ANXA2: variants seen among roughly 807,000 people sequenced by gnomAD.
ANXA2 encodes the protein annexin A2, also known as annexin II.
A neutral mutation model predicts 47.3 loss-of-function variants in ANXA2; 28 were observed. That is an observed-to-expected ratio of 0.59 (90% CI 0.44 to 0.81). ANXA2 has a LOEUF of 0.81. Ranked by LOEUF, ANXA2 falls within the 40% of genes least tolerant of loss-of-function variation. The pLI is 0.00. For missense variants in ANXA2, 384 were observed against 414.3 expected (o/e 0.93, Z 0.64); for synonymous variants, 172 against 155.5 (o/e 1.11, Z -0.79).
chr15:60,397,838 G>A (rs1343580890), intron 1 of ANXA2, 105 bp downstream of exon 1: 2 of 1,383,560 alleles, frequency 1.4e-6, no homozygotes, highest in Admixed American at 3.1e-5. Flanking sequence ...GGCCTCCGGG[G>A]CCAGTTGCCG....
rs1427356537 is a variant in ANXA2 at position 60,364,425 on chromosome 15, G to A, written c.243+4C>T. On this transcript the variant is annotated splice_donor_region_variant and intron_variant, in intron 4 of 12. Coordinates refer to ENST00000451270, the MANE Select transcript of ANXA2 (RefSeq NM_004039.3). ...ATGCCCTCCATCCCTGGAATTGCCT[G>A]TACCTTTTTGGTCCTTCTCTGGTAG... is the stretch of plus-strand genomic sequence containing the variant. 6.2e-7 allele frequency: 1 copy of A among 1,608,628 alleles called. No individual in the cohort carries two copies. The highest frequency in any genetic ancestry group is 8.5e-7 in the Non-Finnish European group (1 of 1,177,684).
chr15:60,359,777 A>C (rs1056012027), intron 5 of ANXA2, among the ~76,000 whole-genome samples: 2 of 152,206 alleles, frequency 1.3e-5, no homozygotes, highest in Non-Finnish European at 2.9e-5. Flanking sequence ...GCATCAGAGA[A>C]AACAGACTCG....
chr15:60,380,406 G>C (rs900361689), intron 3 of ANXA2, among the ~76,000 whole-genome samples: 5 of 151,060 alleles, frequency 3.3e-5, no homozygotes, highest in Non-Finnish European at 2.9e-5. Context: ...CCACTGACTG[G>C]AACTGGCTGT....
chr15:60,392,908 C>T (rs1178576631), intron 1 of ANXA2: 2 of 830,470 alleles, frequency 2.4e-6, no homozygotes, highest in Non-Finnish European at 3.1e-6. Context: ...CAGTCCTGGA[C>T]ACACAGTCTA....
chr15:60,389,283 C>T (rs952281452), intron 1 of ANXA2, among the ~76,000 whole-genome samples: 2 of 152,204 alleles, frequency 1.3e-5, no homozygotes, highest in African/African-American at 4.8e-5. Flanking sequence ...AGAGTTGTTT[C>T]CACTTAGAGA....
rs962388067 is a variant in ANXA2 at position 60,397,271 on chromosome 15, A to G, written c.-12+672T>C. The G allele has an allele frequency of 2.1e-5, 21 of 985,408 alleles. No individual in the cohort carries two copies. The Admixed American group carries it at 2.5e-4, about 12-fold the overall frequency. The allele number at this position is 985,408 out of a possible 1,614,324, so 61.0% of individuals were successfully genotyped here. A position where few individuals can be genotyped will look rare whatever the true frequency, so the allele number is the denominator to read the frequency against. Reference sequence around the variant, plus strand: ...GGGGGACACTACCTTCCTGAGGCCAATGTGTTCAACCAAGCGGGAAACTCT... The same window carrying G: ...GGGGGACACTACCTTCCTGAGGCCAGTGTGTTCAACCAAGCGGGAAACTCT... On this transcript the variant is annotated intron_variant, in intron 1 of 12. Coordinates refer to ENST00000451270, the MANE Select transcript of ANXA2 (RefSeq NM_004039.3).
chr15:60,393,287 C>A, intron 1 of ANXA2: 1 of 1,023,934 alleles, frequency 9.8e-7, no homozygotes, highest in Non-Finnish European at 1.2e-6. Flanking sequence ...GTATCCTGAT[C>A]TGGGGTTGGA....
intron 1 of ANXA2, chr15:60,393,160 G>C (rs2063036734): frequency 7.9e-6 from 10 of 1,258,374 alleles, no homozygotes; most frequent in Non-Finnish European, 1.0e-5. Flanking sequence ...AAACTGAGCA[G>C]GAGGGACACA....
At chr15:60,382,663 C>G (rs986137204) in intron 2 of ANXA2, 1 of 372,982 alleles carries the variant, frequency 2.7e-6, no homozygotes, top group African/African-American at 2.1e-5. Context: ...AATATGCTGT[C>G]TCAATTTCAA....
chr15:60,353,379 C>A (rs1475014726), intron 8 of ANXA2, among the ~76,000 whole-genome samples: 1 of 152,148 alleles, frequency 6.6e-6, no homozygotes, highest in Non-Finnish European at 1.5e-5. Context: ...CCATCCTGTC[C>A]CTGGCTGTGT....
intron 5 of ANXA2, among the ~76,000 whole-genome samples, chr15:60,358,472 G>A (rs546920601): frequency 2.0e-5 from 3 of 152,168 alleles, no homozygotes; most frequent in Non-Finnish European, 4.4e-5. Flanking sequence ...AATACAATAA[G>A]AAACTTACCC....
intron 3 of ANXA2, chr15:60,374,711 A>G (rs1388981324): frequency 2.2e-6 from 1 of 455,966 alleles, no homozygotes; most frequent in Non-Finnish European, 4.4e-6. Context: ...AAATATCACT[A>G]CAAAGAAAAT....
intron 2 of ANXA2, 50 bp from the exon 3 acceptor site, chr15:60,382,491 T>C (rs1566946765): frequency 7.5e-7 from 1 of 1,329,064 alleles, no homozygotes; most frequent in Non-Finnish European, 1.1e-6. Flanking sequence ...TAAAATCCTC[T>C]TGTTGAAATA....
At chr15:60,381,044 T>C (rs975722870) in intron 3 of ANXA2, among the ~76,000 whole-genome samples, 4 of 152,036 alleles carry the variant, frequency 2.6e-5, no homozygotes, top group African/African-American at 9.7e-5. Context: ...AGATTCTACA[T>C]GGTTTTAGGA....
intron 3 of ANXA2, among the ~76,000 whole-genome samples, chr15:60,365,929 G>T (rs1473917155): frequency 2.5e-4 from 33 of 133,242 alleles, no homozygotes; most frequent in African/African-American, 8.5e-4. Context: ...CTGCCATCTC[G>T]GCTCACTGCA....
At chr15:60,359,095 T>C (rs1347550170) in intron 5 of ANXA2, among the ~76,000 whole-genome samples, 1 of 152,218 alleles carries the variant, frequency 6.6e-6, no homozygotes, top group South Asian at 2.1e-4. Flanking sequence ...TTTTTAAGCA[T>C]AGTTCAGTTA....
intron 1 of ANXA2, chr15:60,390,180 C>T (rs2062989654): frequency 2.7e-6 from 2 of 732,412 alleles, no homozygotes; most frequent in Non-Finnish European, 3.4e-6. Context: ...AAACAAAACA[C>T]AAACATCACA....
Position 60,357,188 on chromosome 15 carries a change from T to C in ANXA2, c.406A>G (p.Thr136Ala). The C allele has an allele frequency of 6.2e-7, 1 of 1,614,184 alleles. No individual in the cohort carries two copies. The highest frequency in any genetic ancestry group is 8.5e-7 in the Non-Finnish European group (1 of 1,180,018). The change falls in exon 6 of 13, where the codon ACC (threonine) becomes GCC (alanine). Residue 136 changes from threonine (T) to alanine (A), a missense_variant. By Grantham distance (58) the Thr-to-Ala change is moderately conservative. Coordinates refer to ENST00000451270, the MANE Select transcript of ANXA2 (RefSeq NM_004039.3). ...DSLIEIICSR[T>A]NQELQEINRV... ...TTAATTTCCTGCAGCTCCTGGTTGG[T>C]TCTGGAGCAGATGATCTCAATGAGA...
At chr15:60,380,279 G>C (rs1214265896) in intron 3 of ANXA2, among the ~76,000 whole-genome samples, 2 of 152,018 alleles carry the variant, frequency 1.3e-5, no homozygotes, top group African/African-American at 4.8e-5. Context: ...CCCCTTTATA[G>C]GCAAGGAAAC....
Sources: gnomAD v4.1 joint callset for allele counts (sites outside exome capture counted in the v4.1 genomes callset) on GRCh38, gnomAD v4.1.1 for gene constraint, MANE v1.5 for transcripts, NCBI Gene and HGNC (gene_info 2026-07-23, HGNC 2026-07-21) for gene names.